The following AFG2A variants were observed in gnomAD, a reference collection of about 807,000 sequenced individuals.
The protein encoded by AFG2A is ATPase family gene 2 protein homolog A.
At chr4:123,208,854 A>T in the AFG2A span, among the ~76,000 whole-genome samples, 1 of 152,194 alleles carries the variant, frequency 6.6e-6, no homozygotes, top group Non-Finnish European at 1.5e-5. Context: ...TTTTCCTGGC[A>T]TGCAACTCCT....
chr4:123,196,299 G>A, the AFG2A span, among the ~76,000 whole-genome samples: 692 of 150,436 alleles, frequency 4.6e-3, 5 homozygotes, highest in Middle Eastern at 0.017. Context: ...GTGAGCCACC[G>A]CGCCCGGCCA....
the AFG2A span, among the ~76,000 whole-genome samples, chr4:123,238,119 G>C: frequency 1.3e-5 from 2 of 152,206 alleles, no homozygotes; most frequent in South Asian, 4.1e-4. Flanking sequence ...CAGCCTGGCA[G>C]GGGGAGGGGC....
the AFG2A span, among the ~76,000 whole-genome samples, chr4:123,272,569 A>C: frequency 6.6e-6 from 1 of 151,766 alleles, no homozygotes; most frequent in East Asian, 1.9e-4. Flanking sequence ...GGAATTAGAG[A>C]CAAGTTACAA....
the AFG2A span, among the ~76,000 whole-genome samples, chr4:123,165,074 TAAAA>T: frequency 2.7e-5 from 4 of 149,390 alleles, no homozygotes; most frequent in East Asian, 7.8e-4. Context: ...GAGTGAACTG[TAAAA>T]AAAAAATACT....
At chr4:123,035,553 A>C in the AFG2A span, among the ~76,000 whole-genome samples, 1 of 152,176 alleles carries the variant, frequency 6.6e-6, no homozygotes, top group African/African-American at 2.4e-5. Flanking sequence ...CAAGTGGAAT[A>C]GTTATTGTGC....
chr4:123,206,906 A>C, the AFG2A span, among the ~76,000 whole-genome samples: 2 of 152,102 alleles, frequency 1.3e-5, no homozygotes, highest in Admixed American at 1.3e-4. Context: ...AGTTTGCTAG[A>C]GCTTTCTTTC....
the AFG2A span, among the ~76,000 whole-genome samples, chr4:123,021,339 T>C: frequency 6.6e-6 from 1 of 152,084 alleles, no homozygotes; most frequent in Non-Finnish European, 1.5e-5. Context: ...GTATATCTAA[T>C]TACATGACAA....
the AFG2A span, among the ~76,000 whole-genome samples, chr4:123,006,462 C>T: frequency 6.6e-6 from 1 of 152,022 alleles, no homozygotes; most frequent in Non-Finnish European, 1.5e-5. Flanking sequence ...AAAATTTCTT[C>T]AAATATTTAG....
the AFG2A span, among the ~76,000 whole-genome samples, chr4:123,181,175 G>A: frequency 7.2e-5 from 11 of 151,924 alleles, no homozygotes; most frequent in East Asian, 1.2e-3. Context: ...TAGTAGAGAC[G>A]GGGTTTCACT....
the AFG2A span, among the ~76,000 whole-genome samples, chr4:123,162,496 A>G: frequency 6.6e-6 from 1 of 152,206 alleles, no homozygotes; most frequent in Non-Finnish European, 1.5e-5. Flanking sequence ...TATCTCTAAT[A>G]TCAGATGGAA....
chr4:123,248,453 G>A, the AFG2A span, among the ~76,000 whole-genome samples: 1 of 152,192 alleles, frequency 6.6e-6, no homozygotes, highest in Non-Finnish European at 1.5e-5. Flanking sequence ...AGCAGCTAAA[G>A]TCAAAGATAC....
chr4:123,209,122 C>T, the AFG2A span, among the ~76,000 whole-genome samples: 25 of 152,230 alleles, frequency 1.6e-4, no homozygotes, highest in African/African-American at 5.8e-4. Context: ...TTATGTGAGC[C>T]ACTCTAGAAA....
the AFG2A span, among the ~76,000 whole-genome samples, chr4:123,095,561 C>T: frequency 2.0e-5 from 3 of 152,082 alleles, no homozygotes; most frequent in African/African-American, 7.2e-5. Context: ...AGAAACAAAA[C>T]AGTTTTAAGG....
At chr4:122,978,397 C>T in the AFG2A span, among the ~76,000 whole-genome samples, 1 of 152,190 alleles carries the variant, frequency 6.6e-6, no homozygotes, top group African/African-American at 2.4e-5. Flanking sequence ...CCTGACATCC[C>T]AGTGAGTCTG....
the AFG2A span, among the ~76,000 whole-genome samples, chr4:122,986,986 T>A: frequency 6.6e-6 from 1 of 152,168 alleles, no homozygotes; most frequent in Non-Finnish European, 1.5e-5. Context: ...ATTTTCTTTA[T>A]GTATTTAGAT....
At chr4:123,070,277 TATA>T in the AFG2A span, among the ~76,000 whole-genome samples, 1 of 152,120 alleles carries the variant, frequency 6.6e-6, no homozygotes, top group Non-Finnish European at 1.5e-5. Flanking sequence ...TTTTTATAAT[TATA>T]ATTATTATAA....
chr4:123,048,210 T>C, the AFG2A span, among the ~76,000 whole-genome samples: 9 of 152,214 alleles, frequency 5.9e-5, no homozygotes, highest in South Asian at 2.1e-4. Flanking sequence ...TTTTGTTTCA[T>C]TGGTCTGTGT....
the AFG2A span, among the ~76,000 whole-genome samples, chr4:122,956,137 G>T: frequency 6.6e-6 from 1 of 152,164 alleles, no homozygotes; most frequent in Non-Finnish European, 1.5e-5. Context: ...GAAGGAAAGA[G>T]ATTTGTAAAC....
the AFG2A span, among the ~76,000 whole-genome samples, chr4:123,135,523 G>A: frequency 6.6e-6 from 1 of 152,122 alleles, no homozygotes. Flanking sequence ...TGTATCTGTG[G>A]GTTCTGCATC....
Sources: gnomAD v4.1 joint callset for allele counts (sites outside exome capture counted in the v4.1 genomes callset) on GRCh38, gnomAD v4.1.1 for gene constraint, MANE v1.5 for transcripts, NCBI Gene and HGNC (gene_info 2026-07-23, HGNC 2026-07-21) for gene names.